PCDHGB3: variants seen among roughly 807,000 people sequenced by gnomAD.
PCDHGB3 encodes the protein protocadherin gamma subfamily B, 3.
In PCDHGB3, 40 loss-of-function variants were observed where a neutral mutation model predicts 59.2. That is an observed-to-expected ratio of 0.68 (90% CI 0.52 to 0.88). The LOEUF is 0.88. Among genes scored for constraint, PCDHGB3 ranks in the 40% least tolerant of loss-of-function variants. The pLI is 0.00. For missense variants in PCDHGB3, 1,309 were observed against 1,187.9 expected, an observed-to-expected ratio of 1.10 and a Z score of -1.50; for synonymous variants, 581 against 503.6, an observed-to-expected ratio of 1.15 and a Z score of -2.06.
rs1289890545 is a variant in PCDHGB3, at chr5:141,414,874, C to T, written c.2415+42065C>T. ...CCAGAACGACAATGCGCCCGAGATC[C>T]TGTACCCCGCCCTCCCCACAGACGG... is the stretch of plus-strand genomic sequence containing the variant. On this transcript the variant is annotated intron_variant, in intron 1 of 3. Transcript: ENST00000576222. 3.7e-6 allele frequency: 6 copies of T among 1,614,136 alleles called. No individual in the cohort carries two copies. The African/African-American group carries it at 8.0e-5, about 22-fold the overall frequency.
intron 1 of PCDHGB3, among the ~76,000 whole-genome samples, chr5:141,386,902 G>A (rs2090736648): frequency 6.6e-6 from 1 of 152,206 alleles, no homozygotes; most frequent in Non-Finnish European, 1.5e-5. Flanking sequence ...TCAATTCAGA[G>A]GTCACCAAGG....
chr5:141,393,206 A>G (rs774279389), intron 1 of PCDHGB3: 2 of 1,613,588 alleles, frequency 1.2e-6, no homozygotes, highest in Non-Finnish European at 1.7e-6. Flanking sequence ...ATAATAACCC[A>G]AAATTCCAGG....
chr5:141,428,891 G>A (rs1382228334), intron 1 of PCDHGB3: 3 of 149,832 alleles, frequency 2.0e-5, no homozygotes, highest in East Asian at 3.9e-4. Flanking sequence ...GTCTCGCTCT[G>A]TGGTCCAGGC....
chr5:141,506,017 C>G (rs2099850061), intron 3 of PCDHGB3, among the ~76,000 whole-genome samples: 1 of 152,176 alleles, frequency 6.6e-6, no homozygotes, highest in Non-Finnish European at 1.5e-5. Flanking sequence ...TTTGCTGCCC[C>G]TAACTCCAGA....
chr5:141,468,458 G>A (rs1047447240), intron 1 of PCDHGB3: 3 of 152,134 alleles, frequency 2.0e-5, no homozygotes, highest in African/African-American at 7.2e-5. Flanking sequence ...ATTAAAGCAA[G>A]TTATTTCTGA....
intron 1 of PCDHGB3, among the ~76,000 whole-genome samples, chr5:141,401,889 T>G (rs1259815955): frequency 3.3e-5 from 5 of 152,232 alleles, no homozygotes; most frequent in Non-Finnish European, 7.3e-5. Context: ...TATTTTGTGT[T>G]CTTTTTCCCA....
chr5:141,405,016 C>G (rs538744733), intron 1 of PCDHGB3: 1 of 1,613,888 alleles, frequency 6.2e-7, no homozygotes. Flanking sequence ...AGGCCTCAGA[C>G]CTTACCCTCT....
intron 1 of PCDHGB3, among the ~76,000 whole-genome samples, chr5:141,465,538 A>AT (rs2099105284): frequency 6.6e-6 from 1 of 152,112 alleles, no homozygotes; most frequent in Non-Finnish European, 1.5e-5. Context: ...TTTCCCAGGC[A>AT]TTTTTTCTGC....
chr5:141,501,971 G>A (rs2099812098), intron 2 of PCDHGB3, among the ~76,000 whole-genome samples: 1 of 151,956 alleles, frequency 6.6e-6, no homozygotes. Context: ...CCTAACCTCT[G>A]GCATCTGGTC....
intron 1 of PCDHGB3, among the ~76,000 whole-genome samples, chr5:141,473,736 G>A (rs1278322296): frequency 1.3e-5 from 2 of 152,202 alleles, no homozygotes; most frequent in Non-Finnish European, 2.9e-5. Flanking sequence ...AGAGGGAGAA[G>A]ACATGAGAAC....
At chr5:141,415,935 C>T (rs2095972319) in intron 1 of PCDHGB3, 1 of 601,888 alleles carries the variant, frequency 1.7e-6, no homozygotes, top group Non-Finnish European at 2.4e-6. Flanking sequence ...TTTATATTTC[C>T]TCCTGGGTGG....
At chr5:141,501,288 TATACAC>T (rs201660636) in intron 2 of PCDHGB3, among the ~76,000 whole-genome samples, 3 of 81,324 alleles carry the variant, frequency 3.7e-5, no homozygotes, top group African/African-American at 1.5e-4. Flanking sequence ...GATATTCCCT[TATACAC>T]ACACACACAC....
chr5:141,417,947 T>A (rs958624664), intron 1 of PCDHGB3: 53 of 1,613,420 alleles, frequency 3.3e-5, no homozygotes, highest in Middle Eastern at 1.7e-4. Context: ...CCCCACGCTG[T>A]GTGAGCCGAT....
chr5:141,504,130 C>T (rs1334901812), intron 2 of PCDHGB3, among the ~76,000 whole-genome samples: 1 of 152,154 alleles, frequency 6.6e-6, no homozygotes, highest in African/African-American at 2.4e-5. Flanking sequence ...TGTTTCCCGC[C>T]AACACTCCCC....
rs866752085 is a variant in PCDHGB3, at chr5:141,424,634, A to G, written c.2415+51825A>G. ...AATAGAGTAGTTTGTGAATATATAA[A>G]TAGATTGAAGGTATTTGGACTTTAA... On this transcript the variant is annotated intron_variant, in intron 1 of 3. Coordinates refer to ENST00000576222, the MANE Select transcript of PCDHGB3 (RefSeq NM_018924.5). 6 of 152,338 alleles carry G rather than the reference A, an allele frequency of 3.9e-5. No individual in the cohort carries two copies. The South Asian group carries it at 1.2e-3, about 32-fold the overall frequency. 9.4% of individuals were successfully genotyped at this position (152,338 alleles called of 1,614,324 possible).
intron 1 of PCDHGB3, chr5:141,418,804 T>C (rs368948947): frequency 3.3e-5 from 54 of 1,613,718 alleles, no homozygotes; most frequent in African/African-American, 5.3e-5. Flanking sequence ...TAGAAAGATA[T>C]ACGATAAACA....
chr5:141,422,479 A>G, intron 1 of PCDHGB3: 1 of 1,613,890 alleles, frequency 6.2e-7, no homozygotes, highest in Non-Finnish European at 8.5e-7. Flanking sequence ...GTTGGTCCAG[A>G]GCTACAATAT....
chr5:141,398,643 C>G, intron 1 of PCDHGB3: 2 of 1,614,024 alleles, frequency 1.2e-6, no homozygotes, highest in Non-Finnish European at 1.7e-6. Context: ...AGTATAAACT[C>G]TCTCTTAACC....
chr5:141,385,545 A>G, intron 1 of PCDHGB3: 1 of 1,319,590 alleles, frequency 7.6e-7, no homozygotes, highest in Non-Finnish European at 9.7e-7. Flanking sequence ...TATGTGGACT[A>G]TCACATTTTA....
Sources: gnomAD v4.1 joint callset for allele counts (sites outside exome capture counted in the v4.1 genomes callset) on GRCh38, gnomAD v4.1.1 for gene constraint, MANE v1.5 for transcripts, NCBI Gene and HGNC (gene_info 2026-07-23, HGNC 2026-07-21) for gene names.